Variants in BACE2 observed in about 807,000 individuals in gnomAD.
The protein encoded by BACE2 is 56 kDa aspartic-like protease.
BACE2 carries 17 observed loss-of-function variants against 46.2 expected under a neutral mutation model. The ratio of observed to expected loss-of-function variants is 0.37; its 90% confidence interval spans 0.25 to 0.55. The LOEUF is 0.55. Among genes scored for constraint, BACE2 ranks in the 20% least tolerant of loss-of-function variants. The pLI, the probability that BACE2 is intolerant of heterozygous loss-of-function variation, is 0.82. For missense variants in BACE2, 595 were observed against 698.1 expected (o/e 0.85, Z 1.66); for synonymous variants, 277 against 295.9 (o/e 0.94, Z 0.66).
Position 41,281,427 on chromosome 21 carries a change from G to A in BACE2, c.*5803G>A, listed in dbSNP as rs2088547925. On this transcript the variant is annotated 3_prime_UTR_variant, in exon 9 of 9. Transcript: ENST00000330333. ...CATAGGATTTTCTTCATTTGGGTTG[G>A]AATAAAAATGCATTTTTATTCACAA... The A allele has an allele frequency of 6.6e-6, 1 of 152,080 alleles. No homozygotes were observed. Among genetic ancestry groups the A allele is most frequent in the Non-Finnish European group, 1.5e-5 (1 of 68,016 alleles). The allele number at this position is 152,080 out of a possible 1,614,324, so 9.4% of individuals were successfully genotyped here. A position where few individuals can be genotyped will look rare whatever the true frequency, so the allele number is the denominator to read the frequency against.
At chr21:41,214,188 G>A (rs1273778441) in intron 1 of BACE2, among the ~76,000 whole-genome samples, 1 of 152,220 alleles carries the variant, frequency 6.6e-6, no homozygotes, top group African/African-American at 2.4e-5. Flanking sequence ...ACCTCTTCCA[G>A]GTGCCAGGCA....
At chr21:41,200,449 T>C (rs760420186) in intron 1 of BACE2, among the ~76,000 whole-genome samples, 3 of 152,186 alleles carry the variant, frequency 2.0e-5, no homozygotes, top group Non-Finnish European at 4.4e-5. Flanking sequence ...TGCTGTCTTG[T>C]TACTATGGAT....
chr21:41,176,507 T>C (rs945900476), intron 1 of BACE2: 2 of 152,272 alleles, frequency 1.3e-5, no homozygotes, highest in African/African-American at 2.4e-5. Flanking sequence ...GCCCCAGCCA[T>C]TGGACTCTAT....
At chr21:41,233,409 A>G (rs578181718) in intron 2 of BACE2, among the ~76,000 whole-genome samples, 4 of 152,330 alleles carry the variant, frequency 2.6e-5, no homozygotes, top group African/African-American at 7.2e-5. Context: ...TTGAACTCAT[A>G]TTTGAACCCA....
At chr21:41,234,743 C>A (rs1181262402) in intron 2 of BACE2, among the ~76,000 whole-genome samples, 3 of 152,214 alleles carry the variant, frequency 2.0e-5, no homozygotes, top group Non-Finnish European at 1.5e-5. Flanking sequence ...GTGGCAGGCA[C>A]ATCTGAATTT....
chr21:41,281,029 T>C lies in BACE2; in HGVS notation c.*5405T>C, dbSNP rs773656862. 6.6e-6 allele frequency: 1 copy of C among 152,138 alleles called. No homozygotes were observed. Among genetic ancestry groups the C allele is most frequent in the African/African-American group, 2.4e-5 (1 of 41,400 alleles). 9.4% of individuals were successfully genotyped at this position (152,138 alleles called of 1,614,324 possible). A position where few individuals can be genotyped will look rare whatever the true frequency, so the allele number is the denominator to read the frequency against. Reference sequence around the variant, plus strand: ...GGGTGCCCCGTTGAGCCTCGGGTACTTCTTGGACACTATTGTGAGAGCAGC... The same window carrying C: ...GGGTGCCCCGTTGAGCCTCGGGTACCTCTTGGACACTATTGTGAGAGCAGC... On this transcript the variant is annotated 3_prime_UTR_variant, in exon 9 of 9. Coordinates refer to ENST00000330333, the MANE Select transcript of BACE2 (RefSeq NM_012105.5).
chr21:41,199,168 C>A (rs1290749513), intron 1 of BACE2, among the ~76,000 whole-genome samples: 2 of 151,650 alleles, frequency 1.3e-5, no homozygotes, highest in Non-Finnish European at 2.9e-5. Context: ...GATGGTTCAC[C>A]GCCTTCTTTT....
chr21:41,263,712 A>G (rs1987997288), intron 8 of BACE2, among the ~76,000 whole-genome samples: 1 of 152,218 alleles, frequency 6.6e-6, no homozygotes, highest in Admixed American at 6.5e-5. Flanking sequence ...TAACTGTTGT[A>G]CCTTTAAGGG....
chr21:41,184,150 A>T (rs1985264412), intron 1 of BACE2: 1 of 167,028 alleles, frequency 6.0e-6, no homozygotes, highest in Non-Finnish European at 1.5e-5. Flanking sequence ...TCAGGAGAAG[A>T]TTGAATGAGA....
Position 41,237,516 on chromosome 21 carries a change from T to C in BACE2, c.405T>C (p.Ser135=), listed in dbSNP as rs547089574. The C allele has an allele frequency of 6.2e-6, 10 of 1,612,788 alleles. No homozygotes were observed. The South Asian group carries it at 9.9e-5, about 16-fold the overall frequency. Residue 135 remains serine (S), a synonymous_variant, in exon 3 of 9, where the codon TCT becomes TCC. Transcript: ENST00000330333. ...TGCTTTTCTTTTCTTTCTCCAGGTC[T>C]AGCACATACCGCTCCAAGGGCTTTG... is the stretch of plus-strand genomic sequence containing the variant. ...YIDTYFDTER[S]STYRSKGFDV... is the part of the protein sequence containing the mutation.
rs140403974 is a variant in BACE2 at position 41,229,717 on chromosome 21, G to A, written c.401+3363G>A. ...CTGTGGTTCTCTTTCAGGCTACCGT[G>A]GGACACATCTCTCTTACTTACCTGC... On this transcript the variant is annotated intron_variant, in intron 2 of 8. Transcript: ENST00000330333. Among the ~76,000 whole-genome samples, 3 of 152,310 alleles carry A rather than the reference G, an allele frequency of 2.0e-5. No individual in the cohort carries two copies. The East Asian group carries it at 5.8e-4, about 29-fold the overall frequency.
chr21:41,196,381 GA>G (rs1044311580), intron 1 of BACE2, among the ~76,000 whole-genome samples: 10 of 151,964 alleles, frequency 6.6e-5, no homozygotes, highest in Non-Finnish European at 1.2e-4. Context: ...TTACACTGGG[GA>G]AAAATATGAA....
intron 8 of BACE2, among the ~76,000 whole-genome samples, chr21:41,260,512 G>A (rs1987908091): frequency 6.6e-6 from 1 of 152,158 alleles, no homozygotes. Context: ...GCCCACCATT[G>A]CTCATGAGGC....
chr21:41,243,606 TAC>T lies in BACE2; in HGVS notation c.882+97_882+98del. 5 of 1,287,914 alleles carry T rather than the reference TAC, an allele frequency of 3.9e-6. No individual in the cohort carries two copies. The East Asian group carries it at 1.3e-4, about 33-fold the overall frequency. 79.8% of individuals were successfully genotyped at this position (1,287,914 alleles called of 1,614,324 possible). A position where few individuals can be genotyped will look rare whatever the true frequency, so the allele number is the denominator to read the frequency against. ...CCGTAGATGCCAATAGAAGGTACAT[TAC>T]CTCGTAAGATAAAGGCTCATTACAT... On this transcript the variant is annotated intron_variant, in intron 5 of 8. Coordinates refer to ENST00000330333, the MANE Select transcript of BACE2 (RefSeq NM_012105.5).
rs111384343 is a variant in BACE2 at position 41,183,244 on chromosome 21, G to A, written c.312+14669G>A. 6.0e-3 allele frequency: 991 copies of A among 165,962 alleles called. 7 individuals are homozygous for A. The highest frequency in any genetic ancestry group is 0.018 in the African/African-American group (751 of 41,364). 10.3% of individuals were successfully genotyped at this position (165,962 alleles called of 1,614,324 possible). On this transcript the variant is annotated intron_variant, in intron 1 of 8. Coordinates refer to ENST00000330333, the MANE Select transcript of BACE2 (RefSeq NM_012105.5). The stretch of plus-strand genomic sequence containing the variant: ...CCATTTTAACCATTTTAAAGCCTAT[G>A]AACATCAGTGACTTACCTAGGTAAA...
intron 1 of BACE2, among the ~76,000 whole-genome samples, chr21:41,223,434 A>G (rs953155438): frequency 6.6e-6 from 1 of 151,756 alleles, no homozygotes; most frequent in African/African-American, 2.4e-5. Context: ...TGGTGGGGCC[A>G]TGCATCCTCT....
chr21:41,252,051 T>G (rs1012988485), intron 7 of BACE2, among the ~76,000 whole-genome samples: 1 of 152,156 alleles, frequency 6.6e-6, no homozygotes, highest in African/African-American at 2.4e-5. Context: ...AGAGTGCTGC[T>G]GTGCTCCTGA....
intron 2 of BACE2, among the ~76,000 whole-genome samples, chr21:41,232,851 T>A (rs1027030096): frequency 1.3e-5 from 2 of 151,498 alleles, no homozygotes; most frequent in Non-Finnish European, 2.9e-5. Context: ...AATGCAAACA[T>A]GGCCTAACAG....
chr21:41,252,963 C>T (rs1210236793), intron 7 of BACE2, among the ~76,000 whole-genome samples: 1 of 152,154 alleles, frequency 6.6e-6, no homozygotes, highest in East Asian at 1.9e-4. Context: ...TCAGCACTGC[C>T]CTTCCCTCAC....
Sources: gnomAD v4.1 joint callset for allele counts (sites outside exome capture counted in the v4.1 genomes callset) on GRCh38, gnomAD v4.1.1 for gene constraint, MANE v1.5 for transcripts, NCBI Gene and HGNC (gene_info 2026-07-23, HGNC 2026-07-21) for gene names.